ABCA1: variants seen among roughly 807,000 people sequenced by gnomAD.
The protein encoded by ABCA1 is ATP binding cassette subfamily A member 1, also known as phospholipid-transporting ATPase ABCA1.
In ABCA1, 133 loss-of-function variants were observed where a neutral mutation model predicts 262.5. That is an observed-to-expected ratio of 0.51 (90% CI 0.44 to 0.59). The LOEUF (loss-of-function observed/expected upper bound fraction) is 0.59. Ranked by LOEUF, ABCA1 falls within the 20% of genes least tolerant of loss-of-function variation. The probability of loss-of-function intolerance (pLI) is 0.00; values close to 1 mark genes in which losing one functional copy is unlikely to be tolerated. For synonymous variants in ABCA1, 1,022 were observed against 1,043.5 expected (o/e 0.98, Z 0.40); for missense variants, 2,452 against 2,777.5 (o/e 0.88, Z 2.63).
intron 1 of ABCA1, among the ~76,000 whole-genome samples, chr9:104,910,494 T>C (rs1383480383): frequency 1.7e-4 from 26 of 152,338 alleles, no homozygotes; most frequent in Admixed American, 1.7e-3. Flanking sequence ...ATAGTTCACA[T>C]ACCCAAAATG....
At chr9:104,862,055 C>CAT (rs1836450290) in intron 5 of ABCA1, among the ~76,000 whole-genome samples, 2 of 148,130 alleles carry the variant, frequency 1.4e-5, no homozygotes, top group Admixed American at 1.3e-4. Flanking sequence ...CTGTTACACA[C>CAT]ACACACACAC....
At chr9:104,796,018 C>T (rs746312767) in intron 39 of ABCA1, 35 bp downstream of exon 39, 1 of 1,611,986 alleles carries the variant, frequency 6.2e-7, no homozygotes, top group South Asian at 1.1e-5. Context: ...CAGAGATGCT[C>T]ATCCCAGCAG....
intron 7 of ABCA1, among the ~76,000 whole-genome samples, chr9:104,857,742 G>C (rs985100210): frequency 6.6e-6 from 1 of 152,142 alleles, no homozygotes; most frequent in African/African-American, 2.4e-5. Flanking sequence ...TCTCTTTCCA[G>C]ATACATCCTT....
chr9:104,819,301 C>G (rs563868648), intron 22 of ABCA1, among the ~76,000 whole-genome samples: 31 of 152,326 alleles, frequency 2.0e-4, no homozygotes, highest in African/African-American at 6.7e-4. Context: ...GATCTCTAAC[C>G]AGAGAGCCCA....
chr9:104,926,672 C>T (rs1343963179), intron 1 of ABCA1, among the ~76,000 whole-genome samples: 1 of 152,172 alleles, frequency 6.6e-6, no homozygotes, highest in Non-Finnish European at 1.5e-5. Flanking sequence ...GCACCCCCAC[C>T]CTCACGGCAG....
chr9:104,803,414 A>G, intron 32 of ABCA1, 98 bp from the exon 33 acceptor site: 1 of 1,237,134 alleles, frequency 8.1e-7, no homozygotes. Flanking sequence ...GATATAAGGA[A>G]CGGACAGAAA....
At chr9:104,874,455 T>C (rs141765508) in intron 5 of ABCA1, among the ~76,000 whole-genome samples, 2,298 of 151,892 alleles carry the variant, frequency 0.015, 55 homozygotes, top group African/African-American at 0.053. Context: ...ATCCCAGCTA[T>C]TCGGGAGGCT....
rs886063310 is a variant in ABCA1 at position 104,820,042 on chromosome 9, G to C, written c.2988C>G (p.Phe996Leu). 2 of 1,614,140 alleles carry C rather than the reference G, an allele frequency of 1.2e-6. No individual in the cohort carries two copies. Among genetic ancestry groups the C allele is most frequent in the Non-Finnish European group, 1.7e-6 (2 of 1,180,026 alleles). ...DMLTVEEHIW[F>L]YARLKGLSEK... is the part of the protein sequence containing the mutation. Reference sequence around the variant, plus strand: ...CAGAGAGCCCTTTCAAGCGGGCATAGAACCAGATGTGTTCTTCGACAGTCA... The same window carrying C: ...CAGAGAGCCCTTTCAAGCGGGCATACAACCAGATGTGTTCTTCGACAGTCA... The change falls in exon 21 of 50, where the codon TTC becomes TTG. Residue 996 changes from phenylalanine (F) to leucine (L), a missense_variant. Physicochemically the swap from Phe to Leu is conservative, Grantham distance 22. Coordinates refer to ENST00000374736, the MANE Select transcript of ABCA1 (RefSeq NM_005502.4).
chr9:104,884,870 A>G (rs914233787), intron 3 of ABCA1, among the ~76,000 whole-genome samples: 7 of 152,230 alleles, frequency 4.6e-5, no homozygotes, highest in African/African-American at 1.7e-4. Flanking sequence ...AGCCAGCCTC[A>G]GCTCTCAGAC....
intron 8 of ABCA1, among the ~76,000 whole-genome samples, chr9:104,844,213 G>A (rs1834654145): frequency 1.3e-5 from 2 of 151,982 alleles, no homozygotes; most frequent in Non-Finnish European, 2.9e-5. Flanking sequence ...CAGCTAACAG[G>A]GCCCTAGAGA....
intron 2 of ABCA1, among the ~76,000 whole-genome samples, chr9:104,900,813 C>T (rs2777792): frequency 0.47 from 71,304 of 152,072 alleles, 18,569 homozygotes; most frequent in African/African-American, 0.71. Context: ...CATCAGCAAC[C>T]TGAAATAAAT....
At chr9:104,888,658 T>C (rs1839435129) in intron 3 of ABCA1, among the ~76,000 whole-genome samples, 1 of 152,210 alleles carries the variant, frequency 6.6e-6, no homozygotes, top group African/African-American at 2.4e-5. Context: ...TTCAAGGTTG[T>C]TATGAGAATA....
chr9:104,859,231 G>A (rs1336286423), intron 6 of ABCA1, among the ~76,000 whole-genome samples: 1 of 152,240 alleles, frequency 6.6e-6, no homozygotes, highest in African/African-American at 2.4e-5. Flanking sequence ...CCCTAGAGCA[G>A]AGTGCCAGAA....
intron 1 of ABCA1, among the ~76,000 whole-genome samples, chr9:104,922,379 T>A (rs972050009): frequency 2.0e-5 from 3 of 152,204 alleles, no homozygotes; most frequent in Admixed American, 6.5e-5. Flanking sequence ...AAAACTTTGA[T>A]AGTCTGACAA....
At chr9:104,884,275 T>G in intron 4 of ABCA1, 152 bp downstream of exon 4, 1 of 926,068 alleles carries the variant, frequency 1.1e-6, no homozygotes, top group Non-Finnish European at 1.7e-6. Context: ...TCTCCAAAAT[T>G]CTCCCTTCCC....
rs61602310 is a variant in ABCA1 at position 104,870,334 on chromosome 9, A to G, written c.422-8534T>C. On this transcript the variant is annotated intron_variant, in intron 5 of 49. Coordinates refer to ENST00000374736, the MANE Select transcript of ABCA1 (RefSeq NM_005502.4). The stretch of plus-strand genomic sequence containing the variant: ...CCTATAACAAAAGAGGCGCTGTGTA[A>G]CAAAATCCCTGCCCTTGCATTCTAA... 9.4e-3 allele frequency among the ~76,000 whole-genome samples: 1,437 copies of G among 152,332 alleles called. 22 individuals are homozygous for G. The highest frequency in any genetic ancestry group is 0.033 in the African/African-American group (1,376 of 41,560).
At chr9:104,894,870 C>T (rs1192424330) in intron 2 of ABCA1, among the ~76,000 whole-genome samples, 1 of 152,196 alleles carries the variant, frequency 6.6e-6, no homozygotes, top group African/African-American at 2.4e-5. Flanking sequence ...TTATCTTGGA[C>T]CTCTAAAATT....
chr9:104,902,574 G>A (rs1460333709), intron 2 of ABCA1, among the ~76,000 whole-genome samples: 1 of 152,032 alleles, frequency 6.6e-6, no homozygotes, highest in Non-Finnish European at 1.5e-5. Flanking sequence ...AATATGTATG[G>A]GTCATATAGT....
At position 104,814,422 on chromosome 9, in the gene ABCA1, G is replaced by T. The variant is rs371940418; in HGVS notation, c.3787+5C>A. 8 of 1,613,986 alleles carry T rather than the reference G, an allele frequency of 5.0e-6. No individual in the cohort carries two copies. The highest frequency in any genetic ancestry group is 5.9e-6 in the Non-Finnish European group (7 of 1,179,946). Reference sequence around the variant, plus strand: ...AAGTGTGCCATTCTCCCTCAAGGCAGTTACCTGAGGTCTCAGCATCCACCC... The same window carrying T: ...AAGTGTGCCATTCTCCCTCAAGGCATTTACCTGAGGTCTCAGCATCCACCC... On this transcript the variant is annotated splice_donor_5th_base_variant and intron_variant, in intron 26 of 49. Transcript: ENST00000374736.
Sources: gnomAD v4.1 joint callset for allele counts (sites outside exome capture counted in the v4.1 genomes callset) on GRCh38, gnomAD v4.1.1 for gene constraint, MANE v1.5 for transcripts, NCBI Gene and HGNC (gene_info 2026-07-23, HGNC 2026-07-21) for gene names.